OTOGL: variants seen among roughly 807,000 people sequenced by gnomAD.
The protein encoded by OTOGL is otogelin like.
OTOGL carries 285 observed loss-of-function variants against 318.5 expected under a neutral mutation model. The ratio of observed to expected loss-of-function variants is 0.89; its 90% CI spans 0.81 to 0.99. The LOEUF (loss-of-function observed/expected upper bound fraction) is 0.99. Ranked by LOEUF, OTOGL falls within the 50% of genes least tolerant of loss-of-function variation. The probability of loss-of-function intolerance (pLI) is 0.00; values close to 1 mark genes in which losing one functional copy is unlikely to be tolerated. For missense variants in OTOGL, 2,899 were observed against 2,845.6 expected (o/e 1.02, Z -0.43); for synonymous variants, 987 against 936.5 (o/e 1.05, Z -0.99).
In OTOGL at chr12:80,264,986, T is replaced by C; in HGVS notation, c.2015-15T>C. 4 of 1,612,776 alleles carry C rather than the reference T, an allele frequency of 2.5e-6. No individual in the cohort carries two copies. The highest frequency in any genetic ancestry group is 1.1e-5 in the South Asian group (1 of 91,028). On this transcript the variant is annotated splice_polypyrimidine_tract_variant and intron_variant, in intron 19 of 58. Coordinates refer to ENST00000547103, the MANE Select transcript of OTOGL (RefSeq NM_001378609.3). ...CTGAACTGTTAAATAAGATGCTAAT[T>C]GGGCTCTTTGTTAGTTGGGTATGCA...
chr12:80,364,326 C>T (rs1890403019), intron 52 of OTOGL, among the ~76,000 whole-genome samples: 1 of 152,132 alleles, frequency 6.6e-6, no homozygotes, highest in Non-Finnish European at 1.5e-5. Flanking sequence ...AAAAATATCA[C>T]ATTAGTTTGT....
At chr12:80,109,496 T>A (rs141020155) in intron 1 of OTOGL, among the ~76,000 whole-genome samples, 3 of 152,352 alleles carry the variant, frequency 2.0e-5, no homozygotes, top group African/African-American at 7.2e-5. Flanking sequence ...AGAAATTTTC[T>A]CTGCCATTGT....
intron 1 of OTOGL, among the ~76,000 whole-genome samples, chr12:80,144,469 G>T (rs2137149305): frequency 6.7e-6 from 1 of 148,274 alleles, no homozygotes; most frequent in South Asian, 2.1e-4. Flanking sequence ...TGGACATTTG[G>T]GTTGGTTCCA....
chr12:80,258,036 A>G (rs764656180), intron 18 of OTOGL, 34 bp downstream of exon 18: 22 of 1,491,690 alleles, frequency 1.5e-5, no homozygotes, highest in East Asian at 6.9e-5. Context: ...AACATACTTA[A>G]TGACTGGTCA....
chr12:80,206,331 A>G (rs747274035), intron 1 of OTOGL, among the ~76,000 whole-genome samples: 2 of 152,134 alleles, frequency 1.3e-5, no homozygotes, highest in Non-Finnish European at 2.9e-5. Context: ...TAATGTAGTT[A>G]GTTGAAAAAG....
chr12:80,206,192 A>G (rs999878270), intron 1 of OTOGL, among the ~76,000 whole-genome samples: 2 of 152,236 alleles, frequency 1.3e-5, no homozygotes, highest in African/African-American at 4.8e-5. Flanking sequence ...ACATGTAGCA[A>G]CAGTCATAAA....
chr12:80,158,797 C>G (rs1873302103), intron 1 of OTOGL, among the ~76,000 whole-genome samples: 1 of 152,014 alleles, frequency 6.6e-6, no homozygotes, highest in Non-Finnish European at 1.5e-5. Flanking sequence ...GTTTGACTTC[C>G]TCTTTACTGA....
chr12:80,345,615 A>G (rs1209862035), intron 44 of OTOGL, among the ~76,000 whole-genome samples: 1 of 152,168 alleles, frequency 6.6e-6, no homozygotes. Context: ...GTAAAACCTA[A>G]ATAATGTAAA....
At chr12:80,370,783 A>T in intron 56 of OTOGL, 94 bp downstream of exon 56, 1 of 950,582 alleles carries the variant, frequency 1.1e-6, no homozygotes, top group Non-Finnish European at 1.5e-6. Context: ...ATTGTGGCTT[A>T]TACATAATGG....
In OTOGL at chr12:80,298,653, C is replaced by T. The variant is rs145606579; in HGVS notation, c.3063+1692C>T. Among the ~76,000 whole-genome samples, 756 of 152,212 alleles carry T rather than the reference C, an allele frequency of 5.0e-3. 10 individuals carry two copies. Among genetic ancestry groups the T allele is most frequent in the African/African-American group, 0.018 (728 of 41,530 alleles). ...GGCAATCAGTACAGACGAATAAACC[C>T]ACTCAGTAGAGCAGAGCTGAGAGAT... On this transcript the variant is annotated intron_variant, in intron 27 of 58. Coordinates refer to ENST00000547103, the MANE Select transcript of OTOGL (RefSeq NM_001378609.3).
chr12:80,350,590 AC>A (rs1387710810), intron 44 of OTOGL, among the ~76,000 whole-genome samples: 1 of 152,176 alleles, frequency 6.6e-6, no homozygotes, highest in African/African-American at 2.4e-5. Context: ...TTTTGATAAT[AC>A]CCATTCTAAC....
At chr12:80,250,629 T>C (rs548569399) in intron 11 of OTOGL, among the ~76,000 whole-genome samples, 1 of 152,010 alleles carries the variant, frequency 6.6e-6, no homozygotes, top group East Asian at 1.9e-4. Flanking sequence ...CAGTCCTTTT[T>C]TCGTTCTAAA....
At chr12:80,145,311 G>C (rs1872268378) in intron 1 of OTOGL, among the ~76,000 whole-genome samples, 1 of 152,124 alleles carries the variant, frequency 6.6e-6, no homozygotes, top group East Asian at 1.9e-4. Flanking sequence ...TATTAAATAG[G>C]GAATCCTTTC....
chr12:80,333,181 T>G (rs561563607), intron 38 of OTOGL, 103 bp downstream of exon 38: 1 of 938,934 alleles, frequency 1.1e-6, no homozygotes, highest in Non-Finnish European at 1.6e-6. Flanking sequence ...TTTGATATGT[T>G]CTCTAGTCTA....
At chr12:80,321,096 T>A (rs1887303980) in intron 34 of OTOGL, among the ~76,000 whole-genome samples, 1 of 152,176 alleles carries the variant, frequency 6.6e-6, no homozygotes, top group African/African-American at 2.4e-5. Context: ...TTTATCTGAT[T>A]CTTAGTGATA....
chr12:80,187,646 A>C (rs1456324017), intron 1 of OTOGL, among the ~76,000 whole-genome samples: 1 of 152,140 alleles, frequency 6.6e-6, no homozygotes. Flanking sequence ...AAATAACTGG[A>C]AAGCTCAATT....
chr12:80,118,864 GTTT>G (rs57197692), intron 1 of OTOGL, among the ~76,000 whole-genome samples: 4 of 130,574 alleles, frequency 3.1e-5, no homozygotes, highest in Admixed American at 7.8e-5. Flanking sequence ...TCTTAGATCT[GTTT>G]TTTTTTTTTT....
intron 26 of OTOGL, 78 bp downstream of exon 26, chr12:80,279,244 T>C: frequency 7.5e-7 from 1 of 1,332,150 alleles, no homozygotes; most frequent in Non-Finnish European, 1.0e-6. Context: ...GTCCCTGATA[T>C]ATCAAATTCA....
chr12:80,105,321 A>G (rs1869393882), intron 1 of OTOGL, among the ~76,000 whole-genome samples: 1 of 152,224 alleles, frequency 6.6e-6, no homozygotes, highest in Non-Finnish European at 1.5e-5. Context: ...TATGGGTAGA[A>G]GGGAACCTAT....
Sources: allele counts gnomAD v4.1 joint callset (sites outside exome capture counted in the v4.1 genomes callset), GRCh38; gene constraint gnomAD v4.1.1; transcripts MANE v1.5; gene names NCBI Gene and HGNC (gene_info 2026-07-23, HGNC 2026-07-21).